The following C10orf67 variants were observed in gnomAD, a reference collection of about 807,000 sequenced individuals.
C10orf67 encodes the protein uncharacterized protein C10orf67, mitochondrial.
C10orf67 carries 60 observed loss-of-function variants against 35.6 expected under a neutral mutation model. The ratio of observed to expected loss-of-function variants is 1.68; its 90% CI spans 1.37 to 2.09. The LOEUF (loss-of-function observed/expected upper bound fraction) is 2.09, where lower values mean the gene tolerates loss of function less well. C10orf67 is among the 30% of genes most tolerant of loss of function. The pLI is 0.00. For synonymous variants in C10orf67, 167 were observed against 115.8 expected (o/e 1.44, Z -2.84); for missense variants, 474 against 330.2 (o/e 1.44, Z -3.38).
chr10:23,239,727 A>G lies in C10orf67; in HGVS notation c.1434+2T>C. 1.5e-6 allele frequency: 1 copy of G among 652,518 alleles called. No individual in the cohort carries two copies. The highest frequency in any genetic ancestry group is 3.0e-6 in the Non-Finnish European group (1 of 337,838). 40.4% of individuals were successfully genotyped at this position (652,518 alleles called of 1,614,324 possible). A position where few individuals can be genotyped will look rare whatever the true frequency, so the allele number is the denominator to read the frequency against. On this transcript the variant is annotated splice_donor_variant, in intron 13 of 15. Transcript: ENST00000636213. LOFTEE classifies it high-confidence loss of function. Reference sequence around the variant, plus strand: ...CAGCATCTAAACATTACATGCACTTACAATATAATTGAAGGATGTGTCAGC... The same window carrying G: ...CAGCATCTAAACATTACATGCACTTGCAATATAATTGAAGGATGTGTCAGC...
intron 7 of C10orf67, among the ~76,000 whole-genome samples, chr10:23,283,285 C>T (rs1211647815): frequency 2.0e-5 from 3 of 152,160 alleles, no homozygotes; most frequent in Admixed American, 1.3e-4. Flanking sequence ...TTTGTATTTA[C>T]GTTGATCAAT....
At chr10:23,315,130 C>T (rs1844653219) in intron 4 of C10orf67, among the ~76,000 whole-genome samples, 1 of 152,144 alleles carries the variant, frequency 6.6e-6, no homozygotes, top group Non-Finnish European at 1.5e-5. Context: ...CAAAGTGATG[C>T]CAACAAGCCA....
intron 2 of C10orf67, among the ~76,000 whole-genome samples, chr10:23,323,559 C>T (rs1268832191): frequency 6.6e-6 from 1 of 152,048 alleles, no homozygotes; most frequent in Non-Finnish European, 1.5e-5. Flanking sequence ...CATGACTTCT[C>T]TATTCATTCA....
intron 12 of C10orf67, among the ~76,000 whole-genome samples, chr10:23,246,772 T>G (rs571868836): frequency 4.0e-5 from 6 of 151,644 alleles, no homozygotes; most frequent in Admixed American, 6.6e-5. Flanking sequence ...ACGTAAAAAA[T>G]AAAAAGAAAA....
intron 10 of C10orf67, among the ~76,000 whole-genome samples, chr10:23,253,085 C>G (rs1842503566): frequency 6.6e-6 from 1 of 152,174 alleles, no homozygotes; most frequent in Admixed American, 6.5e-5. Flanking sequence ...TGCCTTCTGC[C>G]ATGATTGTGA....
chr10:23,268,939 T>A (rs1256326917), intron 8 of C10orf67, among the ~76,000 whole-genome samples: 1 of 152,242 alleles, frequency 6.6e-6, no homozygotes, highest in Non-Finnish European at 1.5e-5. Flanking sequence ...CATGGTATCA[T>A]AATCTTATTG....
At chr10:23,226,657 T>A (rs935240660) in intron 13 of C10orf67, among the ~76,000 whole-genome samples, 2 of 152,026 alleles carry the variant, frequency 1.3e-5, no homozygotes, top group Admixed American at 6.6e-5. Context: ...AGGAGGTGGT[T>A]TCCTGAAAAG....
intron 8 of C10orf67, among the ~76,000 whole-genome samples, chr10:23,272,302 C>A (rs556341765): frequency 6.6e-6 from 1 of 152,280 alleles, no homozygotes; most frequent in African/African-American, 2.4e-5. Context: ...TCTCTTATAC[C>A]TTATTCTAGA....
At chr10:23,276,035 G>T (rs72802184) in intron 8 of C10orf67, among the ~76,000 whole-genome samples, 27,325 of 152,094 alleles carry the variant, frequency 0.18, 3,102 homozygotes, top group Non-Finnish European at 0.26. Context: ...AAGCTTCCAC[G>T]TTTCTTCCCA....
At chr10:23,240,028 T>TA (rs76743557) in intron 12 of C10orf67, among the ~76,000 whole-genome samples, 9 of 147,950 alleles carry the variant, frequency 6.1e-5, no homozygotes, top group South Asian at 2.1e-4. Flanking sequence ...TTACAAACAA[T>TA]AAAAAAAAAA....
intron 5 of C10orf67, among the ~76,000 whole-genome samples, chr10:23,294,929 G>C (rs1482638200): frequency 1.3e-5 from 2 of 152,078 alleles, no homozygotes; most frequent in Non-Finnish European, 2.9e-5. Flanking sequence ...AGAGAATGTA[G>C]GAAAAAAGTG....
At chr10:23,277,596 A>G (rs1409398113) in intron 8 of C10orf67, among the ~76,000 whole-genome samples, 1 of 152,090 alleles carries the variant, frequency 6.6e-6, no homozygotes, top group Non-Finnish European at 1.5e-5. Context: ...TACAAAATAC[A>G]CACATATGTA....
chr10:23,249,148 A>G (rs1207559259), intron 12 of C10orf67, among the ~76,000 whole-genome samples: 1 of 149,864 alleles, frequency 6.7e-6, no homozygotes, highest in African/African-American at 2.4e-5. Flanking sequence ...AAAAAAAAAA[A>G]AAAAAAAAAA....
At position 23,274,059 on chromosome 10, in the gene C10orf67, G is replaced by A. The variant is rs181142488; in HGVS notation, c.976-6805C>T. Among the ~76,000 whole-genome samples, 123 of 152,208 alleles carry A rather than the reference G, an allele frequency of 8.1e-4. 1 individual carries two copies. In the East Asian group the frequency reaches 0.011, roughly 14 times the overall value. ...TTGGTAGGACCGTGATGGCGCCCCC[G>A]AGCTGCAAAACCAGCAAGTTTTTAT... On this transcript the variant is annotated intron_variant, in intron 8 of 15. Coordinates refer to ENST00000636213, the MANE Select transcript of C10orf67 (RefSeq NM_001371909.1).
At chr10:23,272,311 G>T (rs1843051042) in intron 8 of C10orf67, among the ~76,000 whole-genome samples, 2 of 152,170 alleles carry the variant, frequency 1.3e-5, no homozygotes, top group Non-Finnish European at 2.9e-5. Context: ...CCTTATTCTA[G>T]AAGTTTTGTA....
chr10:23,283,294 A>G (rs988058841), intron 7 of C10orf67, among the ~76,000 whole-genome samples: 3 of 152,182 alleles, frequency 2.0e-5, no homozygotes, highest in Non-Finnish European at 4.4e-5. Context: ...ACGTTGATCA[A>G]TTGCTGTTTG....
chr10:23,335,366 G>C (rs901945686), intron 1 of C10orf67, among the ~76,000 whole-genome samples: 2 of 152,164 alleles, frequency 1.3e-5, no homozygotes, highest in African/African-American at 4.8e-5. Context: ...CTGTAGCTAA[G>C]TGACATTAGA....
intron 4 of C10orf67, among the ~76,000 whole-genome samples, chr10:23,308,486 T>G (rs965264996): frequency 6.6e-6 from 1 of 152,136 alleles, no homozygotes; most frequent in African/African-American, 2.4e-5. Context: ...GCCAGTCTTC[T>G]CTCCTCTTTC....
intron 10 of C10orf67, among the ~76,000 whole-genome samples, chr10:23,259,680 A>G (rs1298856961): frequency 6.6e-6 from 1 of 152,152 alleles, no homozygotes; most frequent in Admixed American, 6.5e-5. Context: ...TGCATGATAA[A>G]CAATAGACAG....
Sources: gnomAD v4.1 joint callset for allele counts (sites outside exome capture counted in the v4.1 genomes callset) on GRCh38, gnomAD v4.1.1 for gene constraint, MANE v1.5 for transcripts, NCBI Gene and HGNC (gene_info 2026-07-23, HGNC 2026-07-21) for gene names.